FBXL13: variants seen among roughly 807,000 people sequenced by gnomAD.
The protein encoded by FBXL13 is F-box and leucine rich repeat protein 13, also known as F-box and leucine-rich repeat protein 13.
FBXL13 carries 67 observed loss-of-function variants against 83.6 expected under a neutral mutation model. That is an observed-to-expected ratio of 0.80 (90% CI 0.66 to 0.98). FBXL13 has a LOEUF of 0.98. Ranked by LOEUF, FBXL13 falls within the 50% of genes least tolerant of loss-of-function variation. The pLI, the probability that FBXL13 is intolerant of heterozygous loss-of-function variation, is 0.00. For synonymous variants in FBXL13, 272 were observed against 299.5 expected, an observed-to-expected ratio of 0.91 and a Z score of 0.95; for missense variants, 822 against 866.5, an observed-to-expected ratio of 0.95 and a Z score of 0.64.
chr7:102,887,823 AC>A (rs138011143), intron 11 of FBXL13, among the ~76,000 whole-genome samples: 1 of 152,370 alleles, frequency 6.6e-6, no homozygotes, highest in Non-Finnish European at 1.5e-5. Flanking sequence ...CTATAGCCTA[AC>A]CAAAGTGACA....
At chr7:102,887,409 A>G (rs1159101142) in intron 11 of FBXL13, among the ~76,000 whole-genome samples, 1 of 142,848 alleles carries the variant, frequency 7.0e-6, no homozygotes, top group African/African-American at 2.8e-5. Context: ...GTATATATAC[A>G]TACATACACA....
intron 6 of FBXL13, among the ~76,000 whole-genome samples, chr7:103,015,416 A>G (rs1450556251): frequency 6.6e-6 from 1 of 152,206 alleles, no homozygotes; most frequent in Non-Finnish European, 1.5e-5. Flanking sequence ...TTTGCAGACA[A>G]TATGATTCTA....
intron 1 of FBXL13, among the ~76,000 whole-genome samples, chr7:103,064,418 G>A (rs1421940029): frequency 2.0e-5 from 3 of 152,302 alleles, no homozygotes; most frequent in East Asian, 1.9e-4. Context: ...TAGATGCTAC[G>A]TAGGCAACTT....
intron 16 of FBXL13, among the ~76,000 whole-genome samples, chr7:102,865,829 C>T (rs749369815): frequency 3.3e-5 from 5 of 152,060 alleles, no homozygotes; most frequent in Non-Finnish European, 7.4e-5. Context: ...CAGGGGTGTG[C>T]CACTGTGCCC....
chr7:102,919,761 T>C (rs577870180), intron 10 of FBXL13, among the ~76,000 whole-genome samples: 2 of 152,308 alleles, frequency 1.3e-5, no homozygotes, highest in South Asian at 2.1e-4. Context: ...TCCAAGATAA[T>C]AGTCATTTTC....
chr7:102,888,456 C>T (rs982038579), intron 11 of FBXL13, among the ~76,000 whole-genome samples: 6 of 152,210 alleles, frequency 3.9e-5, no homozygotes, highest in African/African-American at 1.4e-4. Flanking sequence ...GGAGAATCGC[C>T]GGGAGGCGGA....
At chr7:102,882,737 G>C (rs1810271184) in intron 14 of FBXL13, among the ~76,000 whole-genome samples, 1 of 151,738 alleles carries the variant, frequency 6.6e-6, no homozygotes, top group Non-Finnish European at 1.5e-5. Context: ...CCTCCAGCCT[G>C]GGCAACAGAG....
chr7:102,849,080 T>C (rs1804711857), intron 17 of FBXL13, among the ~76,000 whole-genome samples: 1 of 152,182 alleles, frequency 6.6e-6, no homozygotes. Context: ...GAACTTCTAA[T>C]ACGTCTGAAC....
intron 11 of FBXL13, among the ~76,000 whole-genome samples, chr7:102,899,868 G>C (rs746110799): frequency 2.0e-5 from 3 of 151,974 alleles, no homozygotes; most frequent in Non-Finnish European, 4.4e-5. Flanking sequence ...TTGGGAATTC[G>C]AGACTGGCCT....
At chr7:102,883,716 A>C in intron 12 of FBXL13, 31 bp from the exon 14 acceptor site, 2 of 1,366,988 alleles carry the variant, frequency 1.5e-6, no homozygotes, top group Non-Finnish European at 2.1e-6. Flanking sequence ...TAAATTAATC[A>C]AGTGTACAGA....
intron 6 of FBXL13, among the ~76,000 whole-genome samples, chr7:102,994,925 ACT>A (rs1168483544): frequency 1.3e-5 from 2 of 151,930 alleles, no homozygotes; most frequent in Non-Finnish European, 2.9e-5. Context: ...TGGCCACCTG[ACT>A]CTATTTTAAA....
exon 5 of FBXL13, chr7:103,027,475 T>C: frequency 1.9e-6 from 3 of 1,612,728 alleles, no homozygotes; most frequent in Non-Finnish European, 2.5e-6. Context: ...TTTTTACTCT[T>C]ATGTCTTGCT....
At chr7:102,812,503 T>C (rs760566607), downstream of FBXL13, among the ~76,000 whole-genome samples, 1 of 152,328 alleles carries the variant, frequency 6.6e-6, no homozygotes, top group Non-Finnish European at 1.5e-5. Context: ...ACAGAGTTAA[T>C]TGGCGGCATT....
intron 8 of FBXL13, among the ~76,000 whole-genome samples, chr7:102,958,529 TATA>T (rs144163542): frequency 0.19 from 28,093 of 144,218 alleles, 2,951 homozygotes; most frequent in Middle Eastern, 0.29. Flanking sequence ...GAACTTAAAG[TATA>T]ATAATAATAA....
chr7:102,811,486 C>T (rs1211374186), downstream of FBXL13, among the ~76,000 whole-genome samples: 1 of 152,168 alleles, frequency 6.6e-6, no homozygotes, highest in Non-Finnish European at 1.5e-5. Context: ...AAATTTGTCT[C>T]CCCAGAATGA....
intron 18 of FBXL13, among the ~76,000 whole-genome samples, chr7:102,824,630 T>C (rs1025160167): frequency 4.6e-5 from 7 of 151,976 alleles, no homozygotes; most frequent in Non-Finnish European, 8.8e-5. Flanking sequence ...GGATTACAGG[T>C]GCCCGCCACC....
chr7:103,070,343 T>A (rs965105162), intron 1 of FBXL13, among the ~76,000 whole-genome samples: 3 of 152,042 alleles, frequency 2.0e-5, no homozygotes, highest in Non-Finnish European at 4.4e-5. Flanking sequence ...GCGATTCTCA[T>A]GCCTCAGCCT....
intron 19 of FBXL13, among the ~76,000 whole-genome samples, chr7:102,818,727 T>C (rs1009977427): frequency 5.3e-5 from 8 of 152,182 alleles, no homozygotes; most frequent in African/African-American, 1.9e-4. Flanking sequence ...TTCTCTAGAA[T>C]TGAAGGTTTT....
chr7:102,894,932 G>C (rs1812073080), intron 11 of FBXL13, among the ~76,000 whole-genome samples: 3 of 152,156 alleles, frequency 2.0e-5, no homozygotes, highest in Non-Finnish European at 4.4e-5. Flanking sequence ...GAAGCACCTG[G>C]GGAGGCATGC....
Sources: gnomAD v4.1 joint callset for allele counts (sites outside exome capture counted in the v4.1 genomes callset) on GRCh38, gnomAD v4.1.1 for gene constraint, MANE v1.5 for transcripts, NCBI Gene and HGNC (gene_info 2026-07-23, HGNC 2026-07-21) for gene names.